The following TMPRSS2 variants were observed in gnomAD, a reference collection of about 807,000 sequenced individuals.
TMPRSS2 encodes transmembrane serine protease 2, also known as transmembrane protease serine 2.
A neutral mutation model predicts 67.4 loss-of-function variants in TMPRSS2; 59 were observed. The ratio of observed to expected loss-of-function variants is 0.88; its 90% CI spans 0.71 to 1.09. The LOEUF (loss-of-function observed/expected upper bound fraction) is 1.09. TMPRSS2 is among the 50% of genes least tolerant of loss of function. The pLI is 0.00. For missense variants in TMPRSS2, 668 were observed against 642.7 expected (o/e 1.04, Z -0.43); for synonymous variants, 257 against 257.0 (o/e 1.00, Z 0.00).
intron 3 of TMPRSS2, among the ~76,000 whole-genome samples, chr21:41,493,841 C>T (rs1180256656): frequency 6.6e-6 from 1 of 152,236 alleles, no homozygotes; most frequent in Admixed American, 6.5e-5. Flanking sequence ...CTCCGGCCAC[C>T]CGCAGGACCC....
Position 41,470,730 on chromosome 21 carries a change from TGGTTTCACTA to T in TMPRSS2, c.1079_1088del (p.Leu360GlnfsTer9), listed in dbSNP as rs1274705894. 1.9e-6 allele frequency: 3 copies of T among 1,613,480 alleles called. No individual in the cohort carries two copies. The highest frequency in any genetic ancestry group is 2.5e-6 in the Non-Finnish European group (3 of 1,179,978). On this transcript the variant is annotated frameshift_variant, in exon 11 of 14. Transcript: ENST00000332149. LOFTEE classifies it high-confidence loss of function. ...TCATGCCTGGGTTGGGCAGACACACTGGTTTCACTAGGTCTGTTTCAAGAAGAGAAAACAC... is the reference window on the plus strand; with the variant it reads ...TCATGCCTGGGTTGGGCAGACACACTGGTCTGTTTCAAGAAGAGAAAACAC...
Position 41,494,549 on chromosome 21 carries a change from A to C in TMPRSS2, c.45T>G (p.Tyr15Ter). 6.2e-7 allele frequency: 1 copy of C among 1,613,612 alleles called. No homozygotes were observed. The highest frequency in any genetic ancestry group is 8.5e-7 in the Non-Finnish European group (1 of 1,179,894). The change falls in exon 3 of 14, where the codon TAT becomes TAG. Residue 15 changes from tyrosine to a stop codon, truncating the protein, a stop_gained. Transcript: ENST00000332149. LOFTEE classifies it high-confidence loss of function. Reference sequence around the variant, plus strand: ...TTTCCGGTTGGTATCCATGGTTTTCATAGTAAGGTCCAATAGCTGGTGGTG... The same window carrying C: ...TTTCCGGTTGGTATCCATGGTTTTCCTAGTAAGGTCCAATAGCTGGTGGTG... ...SGSPPAIGPY[Y>*]ENHGYQPENP...
chr21:41,472,311 G>A (rs28548447), intron 9 of TMPRSS2, among the ~76,000 whole-genome samples: 42,048 of 152,036 alleles, frequency 0.28, 5,985 homozygotes, highest in Middle Eastern at 0.34. Context: ...TCCTTTGTAC[G>A]CCAAAGCATT....
intron 1 of TMPRSS2, among the ~76,000 whole-genome samples, chr21:41,499,012 G>A (rs760540635): frequency 2.0e-5 from 3 of 151,350 alleles, no homozygotes; most frequent in South Asian, 2.1e-4. Context: ...ACTGCCCAGC[G>A]GGTGGTTCAG....
At chr21:41,472,430 G>A (rs2091141979) in intron 9 of TMPRSS2, among the ~76,000 whole-genome samples, 1 of 152,184 alleles carries the variant, frequency 6.6e-6, no homozygotes, top group African/African-American at 2.4e-5. Flanking sequence ...GAGAATCCCA[G>A]CTCCTAGTGG....
intron 13 of TMPRSS2, 141 bp downstream of exon 13, chr21:41,467,593 T>C (rs1478869282): frequency 1.1e-5 from 10 of 897,702 alleles, no homozygotes; most frequent in Non-Finnish European, 1.7e-5. Context: ...GGGATGGGGC[T>C]GTGGCTGGAG....
intron 5 of TMPRSS2, among the ~76,000 whole-genome samples, chr21:41,483,428 C>CA (rs1023863319): frequency 2.0e-5 from 3 of 152,034 alleles, no homozygotes; most frequent in African/African-American, 7.3e-5. Context: ...GGATTACAGG[C>CA]ATGCACCACC....
intron 9 of TMPRSS2, among the ~76,000 whole-genome samples, 166 bp from the exon 10 acceptor site, chr21:41,472,147 C>A (rs1360763520): frequency 6.6e-6 from 1 of 151,440 alleles, no homozygotes; most frequent in Non-Finnish European, 1.5e-5. Context: ...CCTTCTCCCC[C>A]ACACTCCCCC....
chr21:41,475,226 A>G (rs1416888308), intron 8 of TMPRSS2, among the ~76,000 whole-genome samples: 1 of 2,774 alleles, frequency 3.6e-4, no homozygotes. Context: ...GAGGGGGTGA[A>G]GGCATGAGTG....
At chr21:41,466,233 G>C (rs569583276) in intron 13 of TMPRSS2, 80 bp from the exon 14 acceptor site, 2 of 1,455,578 alleles carry the variant, frequency 1.4e-6, no homozygotes, top group East Asian at 4.7e-5. Context: ...CTCTAGGTTC[G>C]CATGAAGCAC....
chr21:41,491,269 A>C (rs1021330159), intron 3 of TMPRSS2, among the ~76,000 whole-genome samples: 2 of 143,408 alleles, frequency 1.4e-5, no homozygotes, highest in African/African-American at 2.6e-5. Flanking sequence ...CCATCTTTCC[A>C]CTTCAACCTC....
At chr21:41,504,322 C>T (rs2091443056) in intron 1 of TMPRSS2, among the ~76,000 whole-genome samples, 2 of 152,214 alleles carry the variant, frequency 1.3e-5, no homozygotes, top group Middle Eastern at 3.2e-3. Context: ...TCAGCGCCAT[C>T]CACACATAGA....
At chr21:41,494,843 G>A (rs2146484976) in intron 2 of TMPRSS2, 2 of 447,566 alleles carry the variant, frequency 4.5e-6, no homozygotes, top group South Asian at 2.0e-5. Context: ...GGCCGAGGCG[G>A]GCGGATCATG....
intron 1 of TMPRSS2, among the ~76,000 whole-genome samples, chr21:41,499,603 T>G (rs1166593131): frequency 6.6e-6 from 1 of 151,530 alleles, no homozygotes; most frequent in Non-Finnish European, 1.5e-5. Context: ...TTACCCTTGA[T>G]GTTTTCTCTT....
chr21:41,494,341 C>CAAAGAGA lies in TMPRSS2; in HGVS notation c.238+8_238+14dup, dbSNP rs757306322. 14 of 1,611,534 alleles carry CAAAGAGA rather than the reference C, an allele frequency of 8.7e-6. No homozygotes were observed. The Admixed American group carries it at 2.2e-4, about 25-fold the overall frequency. On this transcript the variant is annotated intron_variant, in intron 3 of 13. Coordinates refer to ENST00000332149, the MANE Select transcript of TMPRSS2 (RefSeq NM_005656.4). ...CCGGGTTTATTACAGGAAATAAACA[C>CAAAGAGA]AAAGAGAATCCTACTTGAGGTGCAC...
intron 3 of TMPRSS2, among the ~76,000 whole-genome samples, chr21:41,491,151 ATTTTTT>A (rs35598191): frequency 0.015 from 1,597 of 106,578 alleles, 27 homozygotes; most frequent in African/African-American, 0.048. Flanking sequence ...TCTGCATTGC[ATTTTTT>A]TTTTTTTTTT....
At chr21:41,494,658 C>T (rs1469809917) in intron 2 of TMPRSS2, 80 bp from the exon 3 acceptor site, 14 of 1,219,012 alleles carry the variant, frequency 1.1e-5, no homozygotes, top group Non-Finnish European at 1.7e-5. Context: ...CACATCATAC[C>T]ACAGCTATAC....
At position 41,478,753 on chromosome 21, in the gene TMPRSS2, C is replaced by G. The variant is rs1051338665; in HGVS notation, c.683+419G>C. Among the ~76,000 whole-genome samples the G allele has an allele frequency of 1.3e-5, 2 of 152,176 alleles. No homozygotes were observed. The highest frequency in any genetic ancestry group is 4.8e-5 in the African/African-American group (2 of 41,430). On this transcript the variant is annotated intron_variant, in intron 7 of 13. Transcript: ENST00000332149. This position sits in a 1 kb window ranked among gnomAD's most constrained non-coding sequence, Gnocchi z 4.0. ...GGAATGGAGCAGGACTTCCCTTGCT[C>G]AAGCCAGTGAAGTCCCTGGCAAACT... is the stretch of plus-strand genomic sequence containing the variant.
intron 1 of TMPRSS2, 179 bp downstream of exon 1, chr21:41,507,902 G>A (rs1234154661): frequency 6.7e-7 from 1 of 1,492,178 alleles, no homozygotes; most frequent in African/African-American, 1.5e-5. Context: ...CACCCCGGGA[G>A]GCGCCCTGCC....
Sources: gnomAD v4.1 joint callset for allele counts (sites outside exome capture counted in the v4.1 genomes callset) on GRCh38, gnomAD v4.1.1 for gene constraint, Gnocchi (gnomAD v3.1) non-coding constraint, MANE v1.5 for transcripts, NCBI Gene and HGNC (gene_info 2026-07-23, HGNC 2026-07-21) for gene names.